Variants in DNAH2 observed in about 807,000 individuals in gnomAD.
The protein encoded by DNAH2 is axonemal beta dynein heavy chain 2.
DNAH2 carries 323 observed loss-of-function variants against 523.5 expected under a neutral mutation model. That is an observed-to-expected ratio of 0.62 (90% CI 0.56 to 0.68). The LOEUF is 0.68. DNAH2 is among the 30% of genes least tolerant of loss of function. The pLI is 0.00. For missense variants in DNAH2, 4,907 were observed against 5,701.5 expected, an observed-to-expected ratio of 0.86 and a Z score of 4.49; for synonymous variants, 2,093 against 2,177.4, an observed-to-expected ratio of 0.96 and a Z score of 1.08.
chr17:7,730,733 G>A (rs1045395764), intron 4 of DNAH2, among the ~76,000 whole-genome samples: 2 of 151,620 alleles, frequency 1.3e-5, no homozygotes, highest in Admixed American at 6.6e-5. Context: ...CCCGGGAGGC[G>A]GAGATTGCAG....
In DNAH2 at chr17:7,759,628, C is replaced by A. The variant is rs1299546221; in HGVS notation, c.2637+18C>A. ...TGGCACAGGTAAGAACCACTTTGCCCCCAACATCTCAAAACCATTGCATCT... is the reference window on the plus strand; with the variant it reads ...TGGCACAGGTAAGAACCACTTTGCCACCAACATCTCAAAACCATTGCATCT... On this transcript the variant is annotated intron_variant, in intron 16 of 85. Coordinates refer to ENST00000572933, the MANE Select transcript of DNAH2 (RefSeq NM_020877.5). 3.1e-6 allele frequency: 5 copies of A among 1,609,438 alleles called. No homozygotes were observed. In the African/African-American group the frequency reaches 6.7e-5, roughly 22 times the overall value.
At position 7,831,144 on chromosome 17, in the gene DNAH2, GAAT is replaced by G; in HGVS notation, c.12291_12293del (p.Glu4097_Tyr4098delinsAsp). 1 of 1,614,110 alleles carries G rather than the reference GAAT, an allele frequency of 6.2e-7. No individual in the cohort carries two copies. On this transcript the variant is annotated inframe_deletion, in exon 80 of 86. Coordinates refer to ENST00000572933, the MANE Select transcript of DNAH2 (RefSeq NM_020877.5). This position sits in a 1 kb window ranked among gnomAD's most constrained non-coding sequence, Gnocchi z 4.2. ...GGATGGCAGCCTCGCTTCTTACAAG[GAAT>G]ACATCAGCTTATTGCCTGGCATGGA...
chr17:7,736,847 T>C (rs1276492021), intron 7 of DNAH2, among the ~76,000 whole-genome samples: 1 of 152,178 alleles, frequency 6.6e-6, no homozygotes, highest in East Asian at 1.9e-4. Flanking sequence ...CTGGGCGTTG[T>C]GGTGGGCACC....
At chr17:7,762,331 CTTT>C (rs35824439) in intron 18 of DNAH2, among the ~76,000 whole-genome samples, 35 of 111,792 alleles carry the variant, frequency 3.1e-4, no homozygotes, top group East Asian at 2.6e-4. Flanking sequence ...CGTAGGATTT[CTTT>C]TTTTTTTTTT....
intron 11 of DNAH2, 49 bp from the exon 12 acceptor site, chr17:7,742,879 G>A: frequency 1.3e-5 from 17 of 1,269,570 alleles, no homozygotes; most frequent in South Asian, 1.3e-4. Flanking sequence ...GGTGGCCCCT[G>A]GAGGAAGGTG....
At position 7,831,482 on chromosome 17, in the gene DNAH2, C is replaced by G. The variant is rs11872058; in HGVS notation, c.12552C>G (p.Pro4184=). 1.6e-3 allele frequency: 2,600 copies of G among 1,614,188 alleles called. 31 individuals are homozygous for G. In the African/African-American group the frequency reaches 0.029, roughly 18 times the overall value. Residue 4184 remains proline, a synonymous_variant, in exon 81 of 86, where the codon CCC becomes CCG. Coordinates refer to ENST00000572933, the MANE Select transcript of DNAH2 (RefSeq NM_020877.5). The surrounding 1 kb of genome is among the most constrained non-coding windows in gnomAD (Gnocchi z 4.2). ...AACTGCTAGCTCTCGACCCCTCCCC[C>G]CTCAATGTGGTCCTTCTGCAGGAGA... ...TQKLLALDPS[P]LNVVLLQEIQ...
intron 12 of DNAH2, among the ~76,000 whole-genome samples, chr17:7,756,372 C>G (rs2075838450): frequency 6.6e-6 from 1 of 151,972 alleles, no homozygotes; most frequent in South Asian, 2.1e-4. Flanking sequence ...ACCTCCCGGG[C>G]TCAAGCAATC....
rs1346886127 is a variant in DNAH2 at position 7,751,140 on chromosome 17, TTTATTTATTCA to T, written c.1905-5948_1905-5938del. 7.9e-4 allele frequency among the ~76,000 whole-genome samples: 119 copies of T among 150,452 alleles called. 1 individual carries two copies. Among genetic ancestry groups the T allele is most frequent in the Non-Finnish European group, 1.1e-3 (77 of 67,600 alleles). On this transcript the variant is annotated intron_variant, in intron 12 of 85. Coordinates refer to ENST00000572933, the MANE Select transcript of DNAH2 (RefSeq NM_020877.5). ...AGTTATTTATTTATTTATTTATTTA[TTTATTTATTCA>T]TTTTTTTTTTGAGGGGGAGTCTTGC...
intron 84 of DNAH2, 50 bp from the exon 85 acceptor site, chr17:7,833,021 C>T (rs1802966066): frequency 6.2e-7 from 1 of 1,612,928 alleles, no homozygotes; most frequent in East Asian, 2.2e-5. Context: ...GTCAGGGGCG[C>T]TGGCAATTGA....
At position 7,832,959 on chromosome 17, in the gene DNAH2, C is replaced by A. The variant is rs1186266309; in HGVS notation, c.12978+31C>A. The A allele has an allele frequency of 6.2e-7, 1 of 1,613,882 alleles. No individual in the cohort carries two copies. The highest frequency in any genetic ancestry group is 1.1e-5 in the South Asian group (1 of 91,066). On this transcript the variant is annotated intron_variant, in intron 84 of 85. Coordinates refer to ENST00000572933, the MANE Select transcript of DNAH2 (RefSeq NM_020877.5). This position sits in a 1 kb window ranked among gnomAD's most constrained non-coding sequence, Gnocchi z 4.3. ...AGCCAGTTGTGCTTGGGGCTCTGAG[C>A]AAAAGAGGGTACTGGAAATAATTGG... is the stretch of plus-strand genomic sequence containing the variant.
rs554045738 is a variant in DNAH2, at chr17:7,786,811, G to A, written c.6467-86G>A. 16 of 1,605,884 alleles carry A rather than the reference G, an allele frequency of 1.0e-5. No individual in the cohort carries two copies. In the African/African-American group the frequency reaches 1.6e-4, roughly 16 times the overall value. ...CTGGGGAATGCTGAAGTACAAGGGA[G>A]TGTAGGCTTGTGTCTCCGAGGAGCG... On this transcript the variant is annotated intron_variant, in intron 41 of 85. Coordinates refer to ENST00000572933, the MANE Select transcript of DNAH2 (RefSeq NM_020877.5). The surrounding 1 kb of genome is among the most constrained non-coding windows in gnomAD (Gnocchi z 7.5).
rs1251708430 is a variant in DNAH2, at chr17:7,831,627, C to T, written c.12612-34C>T. 1.2e-6 allele frequency: 2 copies of T among 1,613,284 alleles called. No individual in the cohort carries two copies. The highest frequency in any genetic ancestry group is 1.3e-5 in the African/African-American group (1 of 74,904). ...GGCTAGAATGACGTTCCCAGGCCCA[C>T]CTCATCTCTAACACTCCACCTCATC... On this transcript the variant is annotated intron_variant, in intron 81 of 85. Coordinates refer to ENST00000572933, the MANE Select transcript of DNAH2 (RefSeq NM_020877.5). The surrounding 1 kb of genome is among the most constrained non-coding windows in gnomAD (Gnocchi z 4.2).
At chr17:7,797,101 CAAAAAAAA>C in intron 50 of DNAH2, 67 bp from the exon 51 acceptor site, 4 of 876,600 alleles carry the variant, frequency 4.6e-6, no homozygotes, top group Non-Finnish European at 3.2e-6. Context: ...GACTCTGTCC[CAAAAAAAA>C]AAAAAAAAAA....
Position 7,759,079 on chromosome 17 carries a change from C to T in DNAH2, c.2403C>T (p.Thr801=). 6.2e-7 allele frequency: 1 copy of T among 1,614,166 alleles called. No individual in the cohort carries two copies. ...KLMNLHQDVV[T]IMTNSYEVFK... is the part of the protein sequence containing the mutation. The stretch of plus-strand genomic sequence containing the variant: ...TGAACCTGCACCAGGATGTGGTGAC[C>T]ATCATGACCAACTCCTATGAGGTCT... Residue 801 remains threonine (T), a synonymous_variant, in exon 15 of 86, where the codon ACC becomes ACT. Transcript: ENST00000572933.
rs2077673952 is a variant in DNAH2 at position 7,816,612 on chromosome 17, G to C, written c.9771G>C (p.Glu3257Asp). ...AGATGCTAAAGAAACAGTATGATGAGAAGCTGGCACAGAAGGAGGAGCTTC... is the reference window on the plus strand; with the variant it reads ...AGATGCTAAAGAAACAGTATGATGACAAGCTGGCACAGAAGGAGGAGCTTC... Reference protein sequence around the residue: ...KLEMLKKQYDEKLAQKEELRK... With the variant: ...KLEMLKKQYDDKLAQKEELRK... Residue 3257 changes from glutamate to aspartate, a missense_variant, in exon 64 of 86, where the codon GAG becomes GAC. Physicochemically the swap from Glu to Asp is conservative, Grantham distance 45 (BLOSUM62 2). Coordinates refer to ENST00000572933, the MANE Select transcript of DNAH2 (RefSeq NM_020877.5). 4 of 1,614,114 alleles carry C rather than the reference G, an allele frequency of 2.5e-6. No homozygotes were observed. Among genetic ancestry groups the C allele is most frequent in the Non-Finnish European group, 3.4e-6 (4 of 1,180,060 alleles).
intron 2 of DNAH2, among the ~76,000 whole-genome samples, chr17:7,720,785 G>C (rs147243413): frequency 5.2e-4 from 79 of 152,266 alleles, no homozygotes; most frequent in Non-Finnish European, 9.6e-4. Context: ...GAAATGTGCA[G>C]AATGTATCCT....
chr17:7,802,315 T>C (rs1275535188), intron 58 of DNAH2, among the ~76,000 whole-genome samples: 1 of 152,232 alleles, frequency 6.6e-6, no homozygotes, highest in East Asian at 1.9e-4. Flanking sequence ...AGTCCTTTCC[T>C]GTCTGCCTTT....
At position 7,801,558 on chromosome 17, in the gene DNAH2, C is replaced by T; in HGVS notation, c.8700-20C>T. The T allele has an allele frequency of 6.2e-7, 1 of 1,613,734 alleles. No homozygotes were observed. The highest frequency in any genetic ancestry group is 8.5e-7 in the Non-Finnish European group (1 of 1,179,728). On this transcript the variant is annotated intron_variant, in intron 56 of 85. Coordinates refer to ENST00000572933, the MANE Select transcript of DNAH2 (RefSeq NM_020877.5). ...TGTGTCTGTGCACGGAATTTACAGC[C>T]TCTCCAAACCCCTTCCCAGGAACTG...
intron 50 of DNAH2, 135 bp from the exon 51 acceptor site, chr17:7,797,041 G>A: frequency 1.3e-6 from 1 of 764,570 alleles, no homozygotes; most frequent in East Asian, 2.6e-5. Flanking sequence ...GGCAGAGGTT[G>A]CAGTGAGCTG....
Sources: allele counts gnomAD v4.1 joint callset (sites outside exome capture counted in the v4.1 genomes callset), GRCh38; gene constraint gnomAD v4.1.1; non-coding constraint Gnocchi (gnomAD v3.1); transcripts MANE v1.5; gene names NCBI Gene and HGNC (gene_info 2026-07-23, HGNC 2026-07-21).